The following KLRG2 variants were observed in gnomAD, a reference collection of about 807,000 sequenced individuals.
KLRG2 encodes killer cell lectin like receptor G2.
In KLRG2, 39 loss-of-function variants were observed where a neutral mutation model predicts 35.4. The observed-to-expected ratio is 1.10, with a 90% CI of 0.85 to 1.44. The LOEUF (loss-of-function observed/expected upper bound fraction) is 1.44, where lower values mean the gene tolerates loss of function less well. KLRG2 is among the 40% of genes most tolerant of loss of function. The pLI is 0.00. For synonymous variants in KLRG2, 283 were observed against 265.8 expected, an observed-to-expected ratio of 1.06 and a Z score of -0.63; for missense variants, 632 against 570.9, an observed-to-expected ratio of 1.11 and a Z score of -1.09.
At chr7:139,445,188 C>A in the KLRG2 span, among the ~76,000 whole-genome samples, 1 of 151,782 alleles carries the variant, frequency 6.6e-6, no homozygotes, top group South Asian at 2.1e-4. Context: ...TGAAGTAATT[C>A]TCCTGCCTCA....
intron 3 of KLRG2, among the ~76,000 whole-genome samples, chr7:139,454,867 C>A (rs958409385): frequency 7.0e-6 from 1 of 143,172 alleles, no homozygotes; most frequent in African/African-American, 2.6e-5. Flanking sequence ...ATAATAATAA[C>A]ACACGCAGAT....
At chr7:139,428,021 A>AT in the KLRG2 span, among the ~76,000 whole-genome samples, 4 of 152,214 alleles carry the variant, frequency 2.6e-5, no homozygotes, top group Admixed American at 6.5e-5. Flanking sequence ...TCTTTCTGGC[A>AT]TAAAGTATTG....
chr7:139,453,821 T>C, intron 4 of KLRG2, 114 bp from the exon 5 acceptor site: 1 of 1,260,968 alleles, frequency 7.9e-7, no homozygotes, highest in South Asian at 1.3e-5. Flanking sequence ...GGGCACTGAG[T>C]GAGTCACTGC....
intron 3 of KLRG2, among the ~76,000 whole-genome samples, chr7:139,459,660 C>T (rs924550197): frequency 1.3e-5 from 2 of 152,236 alleles, no homozygotes; most frequent in African/African-American, 4.8e-5. Flanking sequence ...GCATATTCCC[C>T]CATTCACAGC....
chr7:139,444,998 A>G, the KLRG2 span, among the ~76,000 whole-genome samples: 313 of 152,280 alleles, frequency 2.1e-3, 1 homozygote, highest in African/African-American at 7.1e-3. Flanking sequence ...ACCCAAACAC[A>G]AAGAGATTCA....
At chr7:139,446,801 T>G in the KLRG2 span, among the ~76,000 whole-genome samples, 2 of 151,922 alleles carry the variant, frequency 1.3e-5, no homozygotes, top group African/African-American at 2.4e-5. Context: ...TCCAACCTCC[T>G]CCTCCTTCAC....
the KLRG2 span, among the ~76,000 whole-genome samples, chr7:139,431,972 T>TTCTA: frequency 6.6e-6 from 1 of 152,112 alleles, no homozygotes; most frequent in Admixed American, 6.6e-5. Flanking sequence ...AACATCTAAT[T>TTCTA]TCTATTTTTA....
intron 3 of KLRG2, among the ~76,000 whole-genome samples, chr7:139,468,905 G>A (rs1796711402): frequency 6.6e-6 from 1 of 152,152 alleles, no homozygotes; most frequent in Non-Finnish European, 1.5e-5. Flanking sequence ...ATGTGACTGG[G>A]GTTGTTACAA....
intron 1 of KLRG2, among the ~76,000 whole-genome samples, chr7:139,481,563 G>A (rs1028779132): frequency 6.6e-6 from 1 of 152,114 alleles, no homozygotes; most frequent in African/African-American, 2.4e-5. Flanking sequence ...CCTCCTGGCC[G>A]TTGCTCCTTC....
At position 139,479,654 on chromosome 7, in the gene KLRG2, A is replaced by G. The variant is rs1796918893; in HGVS notation, c.978T>C (p.Ala326=). 6.2e-7 allele frequency: 1 copy of G among 1,613,426 alleles called. No homozygotes were observed. ...ASQAFCSAYH[A]TLPLLSHTQD... is the part of the protein sequence containing the mutation. ...GGGTGTGGCTTAGCAGGGGGAGGGT[A>G]GCGTGGTAGGCTGAGCAGAAAGCCT... The change falls in exon 3 of 5, where the codon GCT becomes GCC. Residue 326 remains alanine, a synonymous_variant. Transcript: ENST00000340940.
At chr7:139,472,654 T>G (rs181692075) in intron 3 of KLRG2, among the ~76,000 whole-genome samples, 442 of 150,986 alleles carry the variant, frequency 2.9e-3, no homozygotes, top group African/African-American at 0.01. Flanking sequence ...TGGACAACTG[T>G]AACAGCCTCA....
At chr7:139,449,693 CTTTTTTTTTTTTT>C (rs547906496), downstream of KLRG2, among the ~76,000 whole-genome samples, 3 of 101,558 alleles carry the variant, frequency 3.0e-5, no homozygotes, top group Admixed American at 2.6e-4. Flanking sequence ...TATCCTTATT[CTTTTTTTTTTTTT>C]TTTTTTTTTT....
the KLRG2 span, among the ~76,000 whole-genome samples, chr7:139,444,384 G>A: frequency 2.0e-5 from 3 of 152,026 alleles, no homozygotes; most frequent in Non-Finnish European, 2.9e-5. Flanking sequence ...GTTTCACCAC[G>A]TTGGCCAGGC....
intron 1 of KLRG2, among the ~76,000 whole-genome samples, 161 bp from the exon 2 acceptor site, chr7:139,480,408 C>A (rs1427745487): frequency 2.0e-5 from 3 of 147,624 alleles, no homozygotes; most frequent in Non-Finnish European, 4.5e-5. Context: ...TAAGTTCCAA[C>A]TTTATATTCT....
At chr7:139,442,273 T>C in the KLRG2 span, among the ~76,000 whole-genome samples, 1 of 152,278 alleles carries the variant, frequency 6.6e-6, no homozygotes, top group East Asian at 1.9e-4. Context: ...GAGGAGCAAC[T>C]GTCCACCATG....
At chr7:139,454,571 A>G (rs1253618160) in intron 3 of KLRG2, among the ~76,000 whole-genome samples, 1 of 151,696 alleles carries the variant, frequency 6.6e-6, no homozygotes, top group African/African-American at 2.4e-5. Flanking sequence ...ATCCCAGCAC[A>G]TTGGGAGGCC....
downstream of KLRG2, among the ~76,000 whole-genome samples, chr7:139,449,191 C>A (rs1018969217): frequency 6.6e-6 from 1 of 151,620 alleles, no homozygotes; most frequent in Non-Finnish European, 1.5e-5. Context: ...CACCTAAGAT[C>A]AGGAGTTCAA....
chr7:139,466,162 G>A (rs1796650063), intron 3 of KLRG2, among the ~76,000 whole-genome samples: 1 of 152,076 alleles, frequency 6.6e-6, no homozygotes, highest in Non-Finnish European at 1.5e-5. Flanking sequence ...TACACATCAA[G>A]CTCGGGGATT....
Position 139,482,884 on chromosome 7 carries a change from A to G in KLRG2, c.757+2T>C. The G allele has an allele frequency of 6.9e-7, 1 of 1,452,376 alleles. No individual in the cohort carries two copies. Among genetic ancestry groups the G allele is most frequent in the Non-Finnish European group, 9.0e-7 (1 of 1,113,124 alleles). 90.0% of individuals were successfully genotyped at this position (1,452,376 alleles called of 1,614,324 possible). A position where few individuals can be genotyped will look rare whatever the true frequency, so the allele number is the denominator to read the frequency against. On this transcript the variant is annotated splice_donor_variant, in intron 1 of 4. Coordinates refer to ENST00000340940, the MANE Select transcript of KLRG2 (RefSeq NM_198508.4). LOFTEE classifies it high-confidence loss of function. ...CGGCTGCCGGCGCAGGTGAGCACTC[A>G]CCCGTAAGCGTTACGGCCCGGGGCA... is the stretch of plus-strand genomic sequence containing the variant.
Sources: gnomAD v4.1 joint callset for allele counts (sites outside exome capture counted in the v4.1 genomes callset) on GRCh38, gnomAD v4.1.1 for gene constraint, MANE v1.5 for transcripts, NCBI Gene and HGNC (gene_info 2026-07-23, HGNC 2026-07-21) for gene names.